The following PRKAR2B variants were observed in gnomAD, a reference collection of about 807,000 sequenced individuals.
The protein encoded by PRKAR2B is protein kinase cAMP-dependent type II regulatory subunit beta, also known as cAMP-dependent protein kinase type II-beta regulatory subunit.
A neutral mutation model predicts 49.9 loss-of-function variants in PRKAR2B; 14 were observed. That is an observed-to-expected ratio of 0.28 (90% CI 0.19 to 0.44). PRKAR2B has a LOEUF of 0.44. PRKAR2B is among the 20% of genes least tolerant of loss of function. The pLI is 1.00. For synonymous variants in PRKAR2B, 196 were observed against 197.7 expected (o/e 0.99, Z 0.07); for missense variants, 393 against 537.9 (o/e 0.73, Z 2.67).
At chr7:107,133,097 G>A (rs999255883) in intron 4 of PRKAR2B, among the ~76,000 whole-genome samples, 2 of 152,182 alleles carry the variant, frequency 1.3e-5, no homozygotes, top group African/African-American at 4.8e-5. Flanking sequence ...TTGGCATTCT[G>A]TAGGAGAATT....
chr7:107,045,508 G>A (rs969079690), intron 1 of PRKAR2B, among the ~76,000 whole-genome samples: 1 of 152,168 alleles, frequency 6.6e-6, no homozygotes, highest in Non-Finnish European at 1.5e-5. Flanking sequence ...GGTTGGGGTG[G>A]GCATCTGCTA....
At chr7:107,101,135 A>ATTTTTTTTTTTTTTTTTT (rs950761298) in intron 2 of PRKAR2B, among the ~76,000 whole-genome samples, 1 of 94,690 alleles carries the variant, frequency 1.1e-5, no homozygotes, top group African/African-American at 4.2e-5. Flanking sequence ...GTTGTTGCTT[A>ATTTTTTTTTTTTTTTTTT]TTTTTTTTTT....
intron 2 of PRKAR2B, among the ~76,000 whole-genome samples, chr7:107,089,500 A>G (rs2116798105): frequency 6.6e-6 from 1 of 152,354 alleles, no homozygotes. Flanking sequence ...TGGTCAGTAA[A>G]TAAAAGTTGT....
At chr7:107,058,985 GTTT>G (rs1393192933) in intron 1 of PRKAR2B, among the ~76,000 whole-genome samples, 3 of 152,098 alleles carry the variant, frequency 2.0e-5, no homozygotes, top group Non-Finnish European at 4.4e-5. Context: ...ACCCTTCAAG[GTTT>G]TTTATTTTTT....
At chr7:107,156,890 G>C (rs1041355960) in intron 8 of PRKAR2B, 94 bp from the exon 9 acceptor site, 1 of 1,038,950 alleles carries the variant, frequency 9.6e-7, no homozygotes, top group African/African-American at 1.6e-5. Flanking sequence ...TGTGTACTTT[G>C]GGGTTGGATC....
chr7:107,152,366 C>T (rs1182076791), intron 7 of PRKAR2B, among the ~76,000 whole-genome samples: 2 of 152,196 alleles, frequency 1.3e-5, no homozygotes, highest in Non-Finnish European at 2.9e-5. Flanking sequence ...GTCCCACACC[C>T]ACTTCGGGGT....
rs937116780 is a variant in PRKAR2B, at chr7:107,161,645, T to C, written c.*2063T>C. 9 of 152,496 alleles carry C rather than the reference T, an allele frequency of 5.9e-5. No homozygotes were observed. The highest frequency in any genetic ancestry group is 2.2e-4 in the African/African-American group (9 of 41,440). The allele number at this position is 152,496 out of a possible 1,614,324, so 9.4% of individuals were successfully genotyped here. A position where few individuals can be genotyped will look rare whatever the true frequency, so the allele number is the denominator to read the frequency against. On this transcript the variant is annotated 3_prime_UTR_variant, in exon 11 of 11. Coordinates refer to ENST00000265717, the MANE Select transcript of PRKAR2B (RefSeq NM_002736.3). ...CAGGGCATAACATAGTAAGAAAGTA[T>C]GGTTCTGTATGGCAATAGGTTTTTA...
intron 4 of PRKAR2B, among the ~76,000 whole-genome samples, chr7:107,137,777 A>C (rs930998478): frequency 6.6e-6 from 1 of 152,080 alleles, no homozygotes; most frequent in African/African-American, 2.4e-5. Context: ...TTTCGATTTT[A>C]ATTTGGATTT....
At chr7:107,070,433 A>G (rs1272514265) in intron 2 of PRKAR2B, 117 bp downstream of exon 2, 1 of 913,004 alleles carries the variant, frequency 1.1e-6, no homozygotes, top group Non-Finnish European at 1.6e-6. Flanking sequence ...TTTGTCAGTT[A>G]TTTTTCCCAG....
chr7:107,141,024 C>T lies in PRKAR2B; in HGVS notation c.587+71C>T, dbSNP rs533190650. 13 of 1,098,996 alleles carry T rather than the reference C, an allele frequency of 1.2e-5. No individual in the cohort carries two copies. The African/African-American group carries it at 1.6e-4, about 13-fold the overall frequency. The allele number at this position is 1,098,996 out of a possible 1,614,324, so 68.1% of individuals were successfully genotyped here. On this transcript the variant is annotated intron_variant, in intron 5 of 10. Transcript: ENST00000265717. ...TGTAAAATCTCAACCATTATTACGG[C>T]AACTGACAGGTTAATATAGGATAGT... is the stretch of plus-strand genomic sequence containing the variant.
chr7:107,128,413 T>C, intron 4 of PRKAR2B, 118 bp downstream of exon 4: 4 of 663,826 alleles, frequency 6.0e-6, no homozygotes, highest in Non-Finnish European at 1.0e-5. Context: ...GGGGTGATGG[T>C]AAAGGCCCCC....
At chr7:107,116,785 G>T (rs1360092873) in intron 2 of PRKAR2B, among the ~76,000 whole-genome samples, 1 of 151,454 alleles carries the variant, frequency 6.6e-6, no homozygotes, top group Non-Finnish European at 1.5e-5. Flanking sequence ...AATTACCTGG[G>T]CAGAAATGTG....
At chr7:107,100,488 ATTCTG>A (rs1158568223) in intron 2 of PRKAR2B, among the ~76,000 whole-genome samples, 1 of 152,120 alleles carries the variant, frequency 6.6e-6, no homozygotes, top group African/African-American at 2.4e-5. Flanking sequence ...CATTGTGTTT[ATTCTG>A]TGCTGAGGTT....
chr7:107,097,133 G>T (rs898223002), intron 2 of PRKAR2B, among the ~76,000 whole-genome samples: 1 of 152,112 alleles, frequency 6.6e-6, no homozygotes, highest in Non-Finnish European at 1.5e-5. Context: ...CATTATTATT[G>T]TGTGGGAGTC....
intron 6 of PRKAR2B, among the ~76,000 whole-genome samples, chr7:107,148,299 A>G (rs1795927653): frequency 6.6e-6 from 1 of 152,204 alleles, no homozygotes; most frequent in Non-Finnish European, 1.5e-5. Flanking sequence ...ATTGTCACAC[A>G]GTGAGGAAAC....
chr7:107,060,592 A>G (rs550030813), intron 1 of PRKAR2B, among the ~76,000 whole-genome samples: 2 of 151,980 alleles, frequency 1.3e-5, no homozygotes, highest in Non-Finnish European at 2.9e-5. Flanking sequence ...ACTGATTTGT[A>G]GAAGGATTTC....
At chr7:107,093,227 G>A (rs77465496) in intron 2 of PRKAR2B, among the ~76,000 whole-genome samples, 5,057 of 152,204 alleles carry the variant, frequency 0.033, 272 homozygotes, top group African/African-American at 0.12. Flanking sequence ...GTTCTTTTAG[G>A]TATGTACCCA....
Position 107,160,040 on chromosome 7 carries a change from T to G in PRKAR2B, c.*458T>G, listed in dbSNP as rs933239452. 3 of 153,128 alleles carry G rather than the reference T, an allele frequency of 2.0e-5. No homozygotes were observed. The highest frequency in any genetic ancestry group is 7.2e-5 in the African/African-American group (3 of 41,464). 9.5% of individuals were successfully genotyped at this position (153,128 alleles called of 1,614,324 possible). On this transcript the variant is annotated 3_prime_UTR_variant, in exon 11 of 11. Transcript: ENST00000265717. ...TTATAACTCATTAAACACAGTAAAA[T>G]TTTAATCATTTTTGTTTTAAAGTTT...
chr7:107,079,037 A>G (rs1323056531), intron 2 of PRKAR2B, among the ~76,000 whole-genome samples: 1 of 152,200 alleles, frequency 6.6e-6, no homozygotes, highest in Non-Finnish European at 1.5e-5. Flanking sequence ...CCTTAATTAC[A>G]GGAACACTGC....
Sources: gnomAD v4.1 joint callset for allele counts (sites outside exome capture counted in the v4.1 genomes callset) on GRCh38, gnomAD v4.1.1 for gene constraint, MANE v1.5 for transcripts, NCBI Gene and HGNC (gene_info 2026-07-23, HGNC 2026-07-21) for gene names.